Variants in SARS1 observed in about 807,000 individuals in gnomAD.
SARS1 encodes seryl-tRNA synthetase 1.
Under a neutral mutation model 63.7 loss-of-function variants are expected in SARS1, and 25 were observed. The ratio of observed to expected loss-of-function variants is 0.39; its 90% confidence interval spans 0.29 to 0.55. The LOEUF is 0.55. SARS1 is among the 20% of genes least tolerant of loss of function. The probability of loss-of-function intolerance (pLI) is 0.62; values close to 1 mark genes in which losing one functional copy is unlikely to be tolerated. For synonymous variants in SARS1, 231 were observed against 243.5 expected, an observed-to-expected ratio of 0.95 and a Z score of 0.48; for missense variants, 417 against 649.7, an observed-to-expected ratio of 0.64 and a Z score of 3.89.
In SARS1 at chr1:109,235,999, C is replaced by T; in HGVS notation, c.992C>T (p.Ser331Leu). ...FEKIEQFVYS[S>L]PHDNKSWEMF... Reference sequence around the variant, plus strand: ...CAGATTGAACAGTTTGTGTACTCATCACCCCATGACAACAAGTCATGGGAG... The same window carrying T: ...CAGATTGAACAGTTTGTGTACTCATTACCCCATGACAACAAGTCATGGGAG... Residue 331 changes from serine to leucine, a missense_variant, in exon 8 of 11, where the codon TCA becomes TTA. Transcript: ENST00000234677. This position sits in a 1 kb window ranked among gnomAD's most constrained non-coding sequence, Gnocchi z 4.7. 2 of 1,611,894 alleles carry T rather than the reference C, an allele frequency of 1.2e-6. No homozygotes were observed. Among genetic ancestry groups the T allele is most frequent in the Non-Finnish European group, 1.7e-6 (2 of 1,178,990 alleles).
intron 6 of SARS1, among the ~76,000 whole-genome samples, chr1:109,234,132 G>A (rs1655263205): frequency 1.3e-5 from 2 of 151,562 alleles, no homozygotes; most frequent in South Asian, 2.1e-4. Context: ...ACCCGCCTTG[G>A]CCTCCCAAAG....
At position 109,226,713 on chromosome 1, in the gene SARS1, C is replaced by T. The variant is rs1446089929; in HGVS notation, c.208-1639C>T. Among the ~76,000 whole-genome samples the T allele has an allele frequency of 1.1e-3, 55 of 50,896 alleles. 1 individual carries two copies. The highest frequency in any genetic ancestry group is 2.7e-3 in the African/African-American group (49 of 18,166). 33.4% of individuals were successfully genotyped at this position (50,896 alleles called of 152,430 possible). On this transcript the variant is annotated intron_variant, in intron 2 of 10. Transcript: ENST00000234677. ...ATATATATATACACACACACACACA[C>T]ACACACACACACACATATATATATA...
intron 2 of SARS1, among the ~76,000 whole-genome samples, chr1:109,225,018 T>C (rs538382704): frequency 6.6e-6 from 1 of 152,242 alleles, no homozygotes; most frequent in South Asian, 2.1e-4. Context: ...GGTGGGAGGA[T>C]CACTTGAGGC....
chr1:109,226,699 C>T (rs3120626), intron 2 of SARS1, among the ~76,000 whole-genome samples: 37,653 of 66,988 alleles, frequency 0.56, 11,169 homozygotes, highest in Non-Finnish European at 0.59. Flanking sequence ...TATATATATA[C>T]ACACACACAC....
chr1:109,234,708 G>A (rs1305868809), intron 6 of SARS1, among the ~76,000 whole-genome samples: 1 of 152,238 alleles, frequency 6.6e-6, no homozygotes, highest in Non-Finnish European at 1.5e-5. Context: ...GCTCACGCCT[G>A]TAACCCCAGC....
intron 1 of SARS1, chr1:109,217,257 A>G (rs1441654952): frequency 1.2e-5 from 6 of 499,620 alleles, no homozygotes; most frequent in South Asian, 8.5e-5. Context: ...CACATACCCT[A>G]CTGAATATCA....
At position 109,237,934 on chromosome 1, in the gene SARS1, A is replaced by T. The variant is rs1230891269; in HGVS notation, c.*46A>T. ...GCCAGGCTTTCATTTCTGTCTGCTGAGATCTCAGAGCCTGCCCAACAGCAG... is the reference window on the plus strand; with the variant it reads ...GCCAGGCTTTCATTTCTGTCTGCTGTGATCTCAGAGCCTGCCCAACAGCAG... On this transcript the variant is annotated 3_prime_UTR_variant, in exon 11 of 11. Transcript: ENST00000234677. The surrounding 1 kb of genome is among the most constrained non-coding windows in gnomAD (Gnocchi z 4.1). The T allele has an allele frequency of 6.2e-7, 1 of 1,603,130 alleles. No homozygotes were observed. Among genetic ancestry groups the T allele is most frequent in the Non-Finnish European group, 8.5e-7 (1 of 1,173,552 alleles).
intron 1 of SARS1, chr1:109,215,398 T>C: frequency 1.0e-6 from 1 of 985,484 alleles, no homozygotes; most frequent in Non-Finnish European, 1.2e-6. Flanking sequence ...CTTTTGGGTA[T>C]AATGTCCACA....
At chr1:109,231,911 T>C in intron 6 of SARS1, 125 bp downstream of exon 6, 2 of 790,660 alleles carry the variant, frequency 2.5e-6, no homozygotes, top group Admixed American at 8.4e-5. Context: ...TCTGTGACTC[T>C]TGAGCACTTA....
At chr1:109,218,079 G>A (rs1654832929) in intron 1 of SARS1, among the ~76,000 whole-genome samples, 1 of 151,026 alleles carries the variant, frequency 6.6e-6, no homozygotes, top group East Asian at 2.0e-4. Flanking sequence ...TGTAGTCCCA[G>A]CTACTCGGGT....
chr1:109,215,404 C>T, intron 1 of SARS1: 1 of 985,374 alleles, frequency 1.0e-6, no homozygotes, highest in African/African-American at 1.7e-5. Flanking sequence ...GGTATAATGT[C>T]CACATCTGAG....
chr1:109,215,996 G>C, intron 1 of SARS1: 1 of 983,942 alleles, frequency 1.0e-6, no homozygotes, highest in Non-Finnish European at 1.2e-6. Context: ...GAGCCACCAT[G>C]CCTGGCCAAT....
At chr1:109,229,683 C>A (rs1655167522) in intron 4 of SARS1, 111 bp downstream of exon 4, 1 of 1,101,924 alleles carries the variant, frequency 9.1e-7, no homozygotes, top group Non-Finnish European at 1.3e-6. Context: ...GAAGCAGGTT[C>A]TTTGTATATT....
upstream of SARS1, chr1:109,213,915 G>A (rs934330503): frequency 7.4e-6 from 11 of 1,480,492 alleles, no homozygotes; most frequent in Admixed American, 1.9e-4. Flanking sequence ...TCAGCGCGCC[G>A]GCGCAGTGCG....
intron 6 of SARS1, among the ~76,000 whole-genome samples, chr1:109,234,490 T>G (rs888404892): frequency 3.9e-5 from 6 of 152,194 alleles, no homozygotes; most frequent in Admixed American, 3.9e-4. Context: ...AGTATATTCT[T>G]TAAGGATCAT....
Position 109,230,927 on chromosome 1 carries a change from A to G in SARS1, c.497A>G (p.Lys166Arg). 1 of 1,602,002 alleles carries G rather than the reference A, an allele frequency of 6.2e-7. No homozygotes were observed. Among genetic ancestry groups the G allele is most frequent in the Non-Finnish European group, 8.5e-7 (1 of 1,173,660 alleles). Residue 166 changes from lysine to arginine, a missense_variant, in exon 5 of 11, where the codon AAG (lysine) becomes AGG (arginine). Around this residue, in one of 3 missense-constraint regions of SARS1, gnomAD observed 359 missense variants for 529.6 expected, o/e 0.68. Coordinates refer to ENST00000234677, the MANE Select transcript of SARS1 (RefSeq NM_006513.4). ...ERIWGDCTVRKKYSHVDLVVM... is the reference protein window; with the variant it reads ...ERIWGDCTVRRKYSHVDLVVM... ...ATTTGGGGTGATTGTACAGTCAGGAAGAAGTACTCTCATGTGGACCTGGTG... is the reference window on the plus strand; with the variant it reads ...ATTTGGGGTGATTGTACAGTCAGGAGGAAGTACTCTCATGTGGACCTGGTG...
At chr1:109,236,824 T>A (rs1217563968) in intron 9 of SARS1, 1 of 1,601,624 alleles carries the variant, frequency 6.2e-7, no homozygotes, top group Non-Finnish European at 8.5e-7. Flanking sequence ...AATCTCCATT[T>A]ATCTACACAG....
At chr1:109,224,463 CA>C (rs1655023412) in intron 2 of SARS1, among the ~76,000 whole-genome samples, 1 of 152,098 alleles carries the variant, frequency 6.6e-6, no homozygotes, top group South Asian at 2.1e-4. Context: ...GCCTCAGCCT[CA>C]GTTTTCTCAT....
chr1:109,231,614 T>C lies in SARS1; in HGVS notation c.592-17T>C. Reference sequence around the variant, plus strand: ...GACAAGACCCAATCACATAGTACTGTGTCTCTGCTCCTCTAGGGGGTCCTG... The same window carrying C: ...GACAAGACCCAATCACATAGTACTGCGTCTCTGCTCCTCTAGGGGGTCCTG... On this transcript the variant is annotated splice_polypyrimidine_tract_variant and intron_variant, in intron 5 of 10. Coordinates refer to ENST00000234677, the MANE Select transcript of SARS1 (RefSeq NM_006513.4). 2 of 1,478,072 alleles carry C rather than the reference T, an allele frequency of 1.4e-6. No homozygotes were observed. The highest frequency in any genetic ancestry group is 2.9e-5 in the South Asian group (2 of 69,108). 91.6% of individuals were successfully genotyped at this position (1,478,072 alleles called of 1,614,324 possible). A position where few individuals can be genotyped will look rare whatever the true frequency, so the allele number is the denominator to read the frequency against.
Sources: allele counts gnomAD v4.1 joint callset (sites outside exome capture counted in the v4.1 genomes callset), GRCh38; gene constraint gnomAD v4.1.1; regional missense constraint gnomAD v4.1.1; non-coding constraint Gnocchi (gnomAD v3.1); transcripts MANE v1.5; gene names NCBI Gene and HGNC (gene_info 2026-07-23, HGNC 2026-07-21).